Variants in LRRTM4 observed in about 807,000 individuals in gnomAD.
The protein encoded by LRRTM4 is leucine rich repeat transmembrane neuronal 4.
LRRTM4 carries 25 observed loss-of-function variants against 47.6 expected under a neutral mutation model. The ratio of observed to expected loss-of-function variants is 0.53; its 90% CI spans 0.38 to 0.73. The LOEUF is 0.73. LRRTM4 is among the 30% of genes least tolerant of loss of function. The pLI is 0.00. For synonymous variants in LRRTM4, 311 were observed against 269.5 expected (o/e 1.15, Z -1.51); for missense variants, 638 against 713.4 (o/e 0.89, Z 1.20).
At chr2:77,357,149 C>T (rs182270578) in intron 3 of LRRTM4, among the ~76,000 whole-genome samples, 15 of 152,076 alleles carry the variant, frequency 9.9e-5, no homozygotes, top group Non-Finnish European at 2.1e-4. Flanking sequence ...CACTTATATT[C>T]CTGTTTTCTA....
chr2:77,059,845 T>C (rs759286378), intron 3 of LRRTM4, among the ~76,000 whole-genome samples: 102 of 152,330 alleles, frequency 6.7e-4, no homozygotes, highest in Non-Finnish European at 1.4e-3. Context: ...TGAAGTCTAT[T>C]ATACCTGAAA....
At chr2:77,367,599 T>C (rs368377695) in intron 3 of LRRTM4, among the ~76,000 whole-genome samples, 19 of 152,010 alleles carry the variant, frequency 1.2e-4, no homozygotes, top group African/African-American at 4.6e-4. Flanking sequence ...GTCAGCCTTC[T>C]TCTAGCTCTA....
At chr2:77,134,092 C>T (rs561909770) in intron 3 of LRRTM4, among the ~76,000 whole-genome samples, 3 of 152,216 alleles carry the variant, frequency 2.0e-5, no homozygotes, top group African/African-American at 4.8e-5. Context: ...ATCTACTTAT[C>T]TGTATTTTAT....
intron 3 of LRRTM4, among the ~76,000 whole-genome samples, chr2:77,092,793 TA>T (rs1386970179): frequency 7.0e-6 from 1 of 143,160 alleles, no homozygotes; most frequent in Non-Finnish European, 1.5e-5. Context: ...GATGAGCCTT[TA>T]TTAGTCAAAT....
intron 3 of LRRTM4, among the ~76,000 whole-genome samples, chr2:77,185,396 A>G (rs1201503244): frequency 6.6e-6 from 1 of 152,198 alleles, no homozygotes; most frequent in Non-Finnish European, 1.5e-5. Flanking sequence ...TCCATCCACC[A>G]GATGCATGCA....
At chr2:76,933,533 T>C (rs957483767) in intron 3 of LRRTM4, among the ~76,000 whole-genome samples, 1 of 152,156 alleles carries the variant, frequency 6.6e-6, no homozygotes, top group Non-Finnish European at 1.5e-5. Flanking sequence ...TTTTTTAGAA[T>C]TGTTTACTAA....
intron 3 of LRRTM4, among the ~76,000 whole-genome samples, chr2:76,970,530 TATC>T (rs1255828880): frequency 5.3e-5 from 8 of 152,052 alleles, no homozygotes; most frequent in Non-Finnish European, 7.4e-5. Context: ...ACTTGTGGCA[TATC>T]ATATGACTAT....
At chr2:77,508,259 C>T (rs1170206454) in intron 3 of LRRTM4, among the ~76,000 whole-genome samples, 1 of 152,082 alleles carries the variant, frequency 6.6e-6, no homozygotes, top group Admixed American at 6.6e-5. Flanking sequence ...AGTAATCAGA[C>T]TTTTGGGGAT....
chr2:77,303,810 G>C (rs375348902), intron 3 of LRRTM4, among the ~76,000 whole-genome samples: 1 of 152,108 alleles, frequency 6.6e-6, no homozygotes, highest in African/African-American at 2.4e-5. Context: ...TGGCTGAATA[G>C]TATCCCATTG....
At chr2:76,936,933 C>T (rs1258403532) in intron 3 of LRRTM4, among the ~76,000 whole-genome samples, 10 of 102,834 alleles carry the variant, frequency 9.7e-5, no homozygotes, top group Admixed American at 9.2e-4. Flanking sequence ...CCAGCCTGGG[C>T]GACAGAGCAA....
At chr2:76,917,531 G>C (rs1175006437) in intron 3 of LRRTM4, among the ~76,000 whole-genome samples, 1 of 152,006 alleles carries the variant, frequency 6.6e-6, no homozygotes, top group African/African-American at 2.4e-5. Flanking sequence ...AGGTGTTTGG[G>C]GTTTCTTAAT....
chr2:76,897,491 G>C (rs181848749), intron 3 of LRRTM4, among the ~76,000 whole-genome samples: 3 of 152,174 alleles, frequency 2.0e-5, no homozygotes, highest in Non-Finnish European at 2.9e-5. Flanking sequence ...AGTGTATAAT[G>C]TTATGACAAA....
At chr2:76,954,680 T>A (rs965766835) in intron 3 of LRRTM4, among the ~76,000 whole-genome samples, 1 of 151,696 alleles carries the variant, frequency 6.6e-6, no homozygotes, top group Admixed American at 6.6e-5. Context: ...AAGTCCAGAT[T>A]TGAAAAACCC....
intron 3 of LRRTM4, among the ~76,000 whole-genome samples, chr2:77,120,210 A>G (rs770491995): frequency 3.9e-5 from 6 of 151,962 alleles, no homozygotes; most frequent in East Asian, 1.9e-4. Flanking sequence ...CTTAGAACTC[A>G]TCAGTAGTTT....
At chr2:77,051,955 T>C (rs918502867) in intron 3 of LRRTM4, among the ~76,000 whole-genome samples, 13 of 152,144 alleles carry the variant, frequency 8.5e-5, no homozygotes, top group African/African-American at 3.1e-4. Context: ...AATGCTTTCA[T>C]TTCCATTTTA....
At chr2:76,821,597 A>T (rs1671054504) in intron 3 of LRRTM4, among the ~76,000 whole-genome samples, 2 of 151,714 alleles carry the variant, frequency 1.3e-5, no homozygotes, top group African/African-American at 2.4e-5. Flanking sequence ...AACAGGGTAA[A>T]ATAAAAATAA....
At chr2:76,832,454 C>CTTTTTTTTTT (rs541805872) in intron 3 of LRRTM4, among the ~76,000 whole-genome samples, 8 of 94,038 alleles carry the variant, frequency 8.5e-5, no homozygotes, top group Non-Finnish European at 1.0e-4. Flanking sequence ...CCTCGAAGGG[C>CTTTTTTTTTT]TTTTTTTTTT....
chr2:76,858,540 A>C (rs1672223348), intron 3 of LRRTM4, among the ~76,000 whole-genome samples: 1 of 152,154 alleles, frequency 6.6e-6, no homozygotes, highest in African/African-American at 2.4e-5. Context: ...GGGAACTGAA[A>C]TATGCAATGT....
rs144771474 is a variant in LRRTM4, at chr2:76,912,144, C to A, written c.1552-163228G>T. Among the ~76,000 whole-genome samples the A allele has an allele frequency of 8.4e-3, 1,286 of 152,224 alleles. 23 individuals are homozygous for A. Among genetic ancestry groups the A allele is most frequent in the African/African-American group, 0.029 (1,210 of 41,536 alleles). On this transcript the variant is annotated intron_variant, in intron 3 of 3. Transcript: ENST00000409884. ...CCATGTTATCCAGGATGGTCTCGAT[C>A]TCCTGACCTTGTGATCCCCCCGCCT...
Sources: gnomAD v4.1 joint callset for allele counts (sites outside exome capture counted in the v4.1 genomes callset) on GRCh38, gnomAD v4.1.1 for gene constraint, MANE v1.5 for transcripts, NCBI Gene and HGNC (gene_info 2026-07-23, HGNC 2026-07-21) for gene names.